SAMD5: variants seen among roughly 807,000 people sequenced by gnomAD.
SAMD5 encodes the protein sterile alpha motif domain-containing protein 5.
SAMD5 carries 13 observed loss-of-function variants against 11.3 expected under a neutral mutation model. The ratio of observed to expected loss-of-function variants is 1.15; its 90% CI spans 0.75 to 1.83. The LOEUF is 1.83. SAMD5 is among the 40% of genes most tolerant of loss of function. SAMD5 has a pLI of 0.00. For missense variants in SAMD5, 255 were observed against 239.1 expected, an observed-to-expected ratio of 1.07 and a Z score of -0.44; for synonymous variants, 129 against 111.3, an observed-to-expected ratio of 1.16 and a Z score of -1.00.
At chr6:147,652,479 C>T (rs888955891) in intron 1 of SAMD5, among the ~76,000 whole-genome samples, 4 of 152,082 alleles carry the variant, frequency 2.6e-5, no homozygotes, top group Non-Finnish European at 5.9e-5. Context: ...ATTGAGACAC[C>T]ATGGATCAGT....
At chr6:147,871,888 C>T in the SAMD5 span, among the ~76,000 whole-genome samples, 2 of 152,002 alleles carry the variant, frequency 1.3e-5, no homozygotes, top group Non-Finnish European at 2.9e-5. Context: ...TCTAATATAG[C>T]GAATTAAATC....
chr6:147,946,846 A>G, the SAMD5 span, among the ~76,000 whole-genome samples: 1 of 152,246 alleles, frequency 6.6e-6, no homozygotes. Flanking sequence ...AACATTCAAC[A>G]CTTTGAATAA....
the SAMD5 span, among the ~76,000 whole-genome samples, chr6:147,781,904 C>T: frequency 1.3e-5 from 2 of 151,412 alleles, no homozygotes; most frequent in African/African-American, 4.9e-5. Flanking sequence ...CTCAGCCTCC[C>T]AGGATATCAA....
chr6:147,946,941 G>A, the SAMD5 span, among the ~76,000 whole-genome samples: 1 of 152,136 alleles, frequency 6.6e-6, no homozygotes, highest in Non-Finnish European at 1.5e-5. Flanking sequence ...AGATATGAGG[G>A]CCAATAAGCT....
the SAMD5 span, among the ~76,000 whole-genome samples, chr6:147,931,153 T>G: frequency 6.6e-6 from 1 of 152,228 alleles, no homozygotes; most frequent in African/African-American, 2.4e-5. Flanking sequence ...GAGAAAAGTT[T>G]TGACTTTCCT....
chr6:147,750,214 C>CT, the SAMD5 span, among the ~76,000 whole-genome samples: 4 of 152,276 alleles, frequency 2.6e-5, no homozygotes, highest in African/African-American at 4.8e-5. Context: ...TCGCTTGACT[C>CT]TAAGTGTCAA....
intron 1 of SAMD5, among the ~76,000 whole-genome samples, chr6:147,709,354 T>G (rs1791366021): frequency 6.6e-6 from 1 of 152,222 alleles, no homozygotes; most frequent in East Asian, 1.9e-4. Context: ...ACACTAATAG[T>G]TCTTCCGAAG....
chr6:147,538,347 C>A (rs1300541217), intron 1 of SAMD5, among the ~76,000 whole-genome samples: 2 of 152,176 alleles, frequency 1.3e-5, no homozygotes, highest in East Asian at 3.8e-4. Context: ...ATCTTTAAGA[C>A]CCTCTGAACT....
chr6:147,700,090 G>A (rs564964063), intron 1 of SAMD5, among the ~76,000 whole-genome samples: 9 of 152,168 alleles, frequency 5.9e-5, no homozygotes, highest in Admixed American at 5.2e-4. Flanking sequence ...AGTTTTTTAT[G>A]TTTTAAACCC....
chr6:147,666,311 C>G (rs1011403743), intron 1 of SAMD5, among the ~76,000 whole-genome samples: 1 of 152,022 alleles, frequency 6.6e-6, no homozygotes, highest in African/African-American at 2.4e-5. Context: ...AGATGTGTAT[C>G]GGATGTATTT....
intron 1 of SAMD5, among the ~76,000 whole-genome samples, chr6:147,704,206 C>T (rs1024990846): frequency 1.3e-5 from 2 of 152,022 alleles, no homozygotes; most frequent in Non-Finnish European, 2.9e-5. Flanking sequence ...TTATTTTAAA[C>T]CCTTTAGTTG....
chr6:147,560,010 C>T (rs1182069487), intron 1 of SAMD5, among the ~76,000 whole-genome samples: 1 of 152,080 alleles, frequency 6.6e-6, no homozygotes, highest in Non-Finnish European at 1.5e-5. Flanking sequence ...ATTGTGTAGG[C>T]AATAAAGACT....
the SAMD5 span, among the ~76,000 whole-genome samples, chr6:147,807,084 T>TTTTTG: frequency 6.6e-6 from 1 of 152,174 alleles, no homozygotes; most frequent in African/African-American, 2.4e-5. Context: ...CTGTTGTTTT[T>TTTTTG]TTTTGTTTTG....
At chr6:147,842,328 C>G in the SAMD5 span, among the ~76,000 whole-genome samples, 1 of 151,864 alleles carries the variant, frequency 6.6e-6, no homozygotes, top group Non-Finnish European at 1.5e-5. Flanking sequence ...CAGCCATTGT[C>G]CATCACAACC....
At chr6:147,582,073 G>T (rs187154808) in intron 1 of SAMD5, among the ~76,000 whole-genome samples, 57 of 152,098 alleles carry the variant, frequency 3.7e-4, no homozygotes, top group African/African-American at 1.3e-3. Flanking sequence ...AGATGGAAAG[G>T]ATGGGCTGGA....
intron 1 of SAMD5, among the ~76,000 whole-genome samples, chr6:147,687,273 C>CTTTTT (rs1562351854): frequency 7.6e-6 from 1 of 132,104 alleles, no homozygotes; most frequent in Non-Finnish European, 1.6e-5. Context: ...TCCTCTCCTC[C>CTTTTT]TTCTTTTTTT....
intron 1 of SAMD5, among the ~76,000 whole-genome samples, chr6:147,683,474 T>C (rs538198902): frequency 1.3e-5 from 2 of 152,378 alleles, no homozygotes; most frequent in Admixed American, 1.3e-4. Flanking sequence ...ATAACAAATA[T>C]ATTACATGGG....
intron 1 of SAMD5, among the ~76,000 whole-genome samples, chr6:147,652,803 G>C (rs1368278363): frequency 6.6e-6 from 1 of 152,090 alleles, no homozygotes; most frequent in Admixed American, 6.5e-5. Flanking sequence ...GGTGAATCCT[G>C]TCACTTTGTT....
intron 1 of SAMD5, among the ~76,000 whole-genome samples, chr6:147,601,646 A>G (rs546399011): frequency 6.6e-6 from 1 of 152,358 alleles, no homozygotes; most frequent in South Asian, 2.1e-4. Context: ...AGTCCTGGTC[A>G]TGAATTGAAA....
Sources: gnomAD v4.1 joint callset for allele counts (sites outside exome capture counted in the v4.1 genomes callset) on GRCh38, gnomAD v4.1.1 for gene constraint, MANE v1.5 for transcripts, NCBI Gene and HGNC (gene_info 2026-07-23, HGNC 2026-07-21) for gene names.